TM7SF3: variants seen among roughly 807,000 people sequenced by gnomAD.
TM7SF3 encodes the protein transmembrane 7 superfamily member 3.
TM7SF3 carries 60 observed loss-of-function variants against 65.5 expected under a neutral mutation model. That is an observed-to-expected ratio of 0.92 (90% CI 0.74 to 1.14). TM7SF3 has a LOEUF of 1.14. Among genes scored for constraint, TM7SF3 ranks in the 50% most tolerant of loss-of-function variants. The pLI is 0.00. For synonymous variants in TM7SF3, 264 were observed against 259.6 expected (o/e 1.02, Z -0.16); for missense variants, 623 against 684.8 (o/e 0.91, Z 1.01).
At chr12:27,011,532 T>C (rs957956260) in intron 1 of TM7SF3, among the ~76,000 whole-genome samples, 2 of 152,230 alleles carry the variant, frequency 1.3e-5, no homozygotes, top group African/African-American at 2.4e-5. Flanking sequence ...GCAAGTTAGC[T>C]CATCCTGCCA....
chr12:27,001,841 C>T (rs1429681054), intron 2 of TM7SF3, among the ~76,000 whole-genome samples: 2 of 152,200 alleles, frequency 1.3e-5, no homozygotes, highest in African/African-American at 4.8e-5. Flanking sequence ...CCCTGAGGAA[C>T]TGGCATGCTC....
chr12:26,996,982 G>A (rs1940626840), intron 3 of TM7SF3, 120 bp from the exon 4 acceptor site: 7 of 1,051,946 alleles, frequency 6.7e-6, no homozygotes, highest in Admixed American at 6.0e-5. Context: ...AAATATAAAC[G>A]TAGAGCTTCT....
At chr12:26,992,502 G>T (rs1005320468) in intron 5 of TM7SF3, among the ~76,000 whole-genome samples, 4 of 152,016 alleles carry the variant, frequency 2.6e-5, no homozygotes, top group Admixed American at 6.6e-5. Flanking sequence ...GCCAGGATGG[G>T]CTCGATCTCC....
intron 6 of TM7SF3, among the ~76,000 whole-genome samples, chr12:26,987,443 A>G (rs1006878084): frequency 6.6e-6 from 1 of 152,228 alleles, no homozygotes; most frequent in Non-Finnish European, 1.5e-5. Context: ...CCAATCCATC[A>G]GTACACTGTA....
In TM7SF3 at chr12:26,995,233, T is replaced by G. The variant is rs576830003; in HGVS notation, c.690+4A>C. The G allele has an allele frequency of 6.2e-7, 1 of 1,611,586 alleles. No homozygotes were observed. The highest frequency in any genetic ancestry group is 1.1e-5 in the South Asian group (1 of 90,946). On this transcript the variant is annotated splice_donor_region_variant and intron_variant, in intron 5 of 11. Transcript: ENST00000343028. ...GCCACACAAATCATGGGACTCAGAT[T>G]TACCTTGAGAGCACTGGCCTTCACC...
Position 26,999,526 on chromosome 12 carries a change from C to A in TM7SF3, c.397G>T (p.Asp133Tyr). The A allele has an allele frequency of 6.2e-7, 1 of 1,613,924 alleles. No homozygotes were observed. The part of the protein sequence containing the change: ...MAILLSYSER[D>Y]PVPGGCNLEF... ...AGGGAGGAGAAGACAGAAGGGTTACCTCTTTCTGAGTAGGAGAGTAGGATA... is the reference window on the plus strand; with the variant it reads ...AGGGAGGAGAAGACAGAAGGGTTACATCTTTCTGAGTAGGAGAGTAGGATA... The change falls in exon 3 of 12, where the codon GAT (aspartate) becomes TAT (tyrosine). Residue 133 changes from aspartate to tyrosine, a missense_variant and splice_region_variant. Physicochemically the swap from Asp to Tyr is radical, Grantham distance 160 (BLOSUM62 -3). Transcript: ENST00000343028.
chr12:27,013,506 T>C (rs917194434), intron 1 of TM7SF3, among the ~76,000 whole-genome samples: 1 of 152,246 alleles, frequency 6.6e-6, no homozygotes, highest in Non-Finnish European at 1.5e-5. Context: ...CCTTTATTTC[T>C]CATTGTGAGT....
At position 26,985,638 on chromosome 12, in the gene TM7SF3, AAAAAAAAAAAAAAAATAT is replaced by A. The variant is rs1370986595; in HGVS notation, c.869-2797_869-2780del. 3.0e-3 allele frequency among the ~76,000 whole-genome samples: 162 copies of A among 53,396 alleles called. 1 individual carries two copies. The highest frequency in any genetic ancestry group is 0.013 in the African/African-American group (157 of 12,466). The allele number at this position is 53,396 out of a possible 152,430, so 35.0% of individuals were successfully genotyped here. On this transcript the variant is annotated intron_variant, in intron 6 of 11. Coordinates refer to ENST00000343028, the MANE Select transcript of TM7SF3 (RefSeq NM_016551.3). ...GAGACTGTCAAAAAAAAAAAAAAAAAAAAAAAAAAAAAAAATATATATATATATATATATATATATACA... is the reference window on the plus strand; with the variant it reads ...GAGACTGTCAAAAAAAAAAAAAAAAAATATATATATATATATATATATACA...
intron 9 of TM7SF3, chr12:26,978,157 C>T (rs1939654670): frequency 2.7e-6 from 1 of 375,124 alleles, no homozygotes; most frequent in Admixed American, 3.4e-5. Flanking sequence ...TCTAACGGTC[C>T]TTGAGCTATG....
At position 26,972,849 on chromosome 12, in the gene TM7SF3, A is replaced by C. The variant is rs1939416470; in HGVS notation, c.*1116T>G. Among the ~76,000 whole-genome samples the C allele has an allele frequency of 6.6e-6, 1 of 152,040 alleles. No individual in the cohort carries two copies. The highest frequency in any genetic ancestry group is 1.5e-5 in the Non-Finnish European group (1 of 67,996). ...AAAGATCACCTGTTGACACTATTTGAAAAGGCCTTGAAAAAAAAAAGGGGG... is the reference window on the plus strand; with the variant it reads ...AAAGATCACCTGTTGACACTATTTGCAAAGGCCTTGAAAAAAAAAAGGGGG... On this transcript the variant is annotated 3_prime_UTR_variant, in exon 12 of 12. Coordinates refer to ENST00000343028, the MANE Select transcript of TM7SF3 (RefSeq NM_016551.3).
chr12:26,995,719 A>G (rs1353853455), intron 4 of TM7SF3, among the ~76,000 whole-genome samples: 1 of 152,214 alleles, frequency 6.6e-6, no homozygotes, highest in African/African-American at 2.4e-5. Context: ...GCCCTCATAA[A>G]GGAGATCCCA....
intron 6 of TM7SF3, among the ~76,000 whole-genome samples, chr12:26,988,672 T>TTTTGTGTGTGTG (rs1032405985): frequency 1.4e-5 from 2 of 146,228 alleles, no homozygotes; most frequent in African/African-American, 5.1e-5. Flanking sequence ...GAGAAGAAAA[T>TTTTGTGTGTGTG]TGTGTGTGTG....
In TM7SF3 at chr12:26,976,306, C is replaced by T; in HGVS notation, c.1241G>A (p.Cys414Tyr). ...AACTACTGGAATGAGGATAGCTATG[C>T]AAGAGAAAGTGACCCAGAATACACC... is the stretch of plus-strand genomic sequence containing the variant. ...DDGVFWVTFSCIAILIPVVFM... is the reference protein window; with the variant it reads ...DDGVFWVTFSYIAILIPVVFM... Residue 414 changes from cysteine (C) to tyrosine (Y), a missense_variant, in exon 10 of 12, where the codon TGC becomes TAC. Coordinates refer to ENST00000343028, the MANE Select transcript of TM7SF3 (RefSeq NM_016551.3). 6.2e-7 allele frequency: 1 copy of T among 1,613,960 alleles called. No individual in the cohort carries two copies. The highest frequency in any genetic ancestry group is 8.5e-7 in the Non-Finnish European group (1 of 1,179,948).
At chr12:26,983,471 C>T (rs1002628328) in intron 6 of TM7SF3, 6 of 402,846 alleles carry the variant, frequency 1.5e-5, no homozygotes, top group African/African-American at 1.0e-4. Flanking sequence ...TTTTTAAGTG[C>T]TTATCTTTAA....
intron 1 of TM7SF3, among the ~76,000 whole-genome samples, chr12:27,006,014 A>C (rs923370607): frequency 1.0e-4 from 15 of 149,564 alleles, no homozygotes; most frequent in Non-Finnish European, 2.2e-4. Context: ...TGGCCAGGCT[A>C]GTCTCGAACT....
rs552836385 is a variant in TM7SF3 at position 26,972,739 on chromosome 12, C to T, written c.*1226G>A. ...TGCTGGGATTACAGGTTTGAGCCAC[C>T]GCACCTGGTCGGCAATATAGATTAA... On this transcript the variant is annotated 3_prime_UTR_variant, in exon 12 of 12. Transcript: ENST00000343028. 2.0e-4 allele frequency among the ~76,000 whole-genome samples: 31 copies of T among 151,942 alleles called. No individual in the cohort carries two copies. The highest frequency in any genetic ancestry group is 6.0e-4 in the African/African-American group (25 of 41,408).
intron 9 of TM7SF3, 127 bp downstream of exon 9, chr12:26,979,657 C>T: frequency 9.7e-7 from 1 of 1,033,800 alleles, no homozygotes; most frequent in Non-Finnish European, 1.4e-6. Context: ...GTCACACCAT[C>T]AATGCAGATT....
At chr12:26,988,484 T>C (rs574527494) in intron 6 of TM7SF3, among the ~76,000 whole-genome samples, 195 of 152,242 alleles carry the variant, frequency 1.3e-3, no homozygotes, top group South Asian at 0.011. Flanking sequence ...TTTTTTTACT[T>C]ATAAAGGACA....
intron 7 of TM7SF3, among the ~76,000 whole-genome samples, chr12:26,981,352 G>C (rs906339680): frequency 6.6e-6 from 1 of 152,114 alleles, no homozygotes; most frequent in Admixed American, 6.6e-5. Context: ...CCAGAGTGAG[G>C]CATGGTGGCT....
Sources: allele counts gnomAD v4.1 joint callset (sites outside exome capture counted in the v4.1 genomes callset), GRCh38; gene constraint gnomAD v4.1.1; transcripts MANE v1.5; gene names NCBI Gene and HGNC (gene_info 2026-07-23, HGNC 2026-07-21).